DHX15: variants seen among roughly 807,000 people sequenced by gnomAD.
DHX15 encodes the protein DEAH-box helicase 15.
DHX15 carries 11 observed loss-of-function variants against 94.4 expected under a neutral mutation model. That is an observed-to-expected ratio of 0.12 (90% confidence interval 0.07 to 0.19). DHX15 has a LOEUF of 0.19. DHX15 is among the 10% of genes least tolerant of loss of function. The pLI, the probability that DHX15 is intolerant of heterozygous loss-of-function variation, is 1.00. For missense variants in DHX15, 304 were observed against 988.5 expected, an observed-to-expected ratio of 0.31 and a Z score of 9.29; for synonymous variants, 338 against 329.9, an observed-to-expected ratio of 1.02 and a Z score of -0.27.
chr4:24,536,907 A>G, intron 11 of DHX15, 144 bp downstream of exon 11: 3 of 926,636 alleles, frequency 3.2e-6, no homozygotes, highest in Non-Finnish European at 4.5e-6. Context: ...TCTATTTTAA[A>G]TGCTCGTCAG....
chr4:24,541,525 A>G (rs1721312405), intron 8 of DHX15, among the ~76,000 whole-genome samples: 1 of 152,142 alleles, frequency 6.6e-6, no homozygotes, highest in African/African-American at 2.4e-5. Flanking sequence ...GGAAAGAAAA[A>G]AAGTTGAAAC....
chr4:24,540,646 GA>G (rs5856853), intron 9 of DHX15, among the ~76,000 whole-genome samples, 193 bp downstream of exon 9: 64,719 of 146,992 alleles, frequency 0.44, 14,431 homozygotes, highest in Middle Eastern at 0.57. Context: ...AACTTTTGAA[GA>G]AAAAAAAAAA....
Position 24,576,355 on chromosome 4 carries a change from T to G in DHX15, c.395A>C (p.Lys132Thr), listed in dbSNP as rs1214312329. ...CCAAACAGGGAGCTGAAGACGTTTC[T>G]TTAGAATATCATAGTATCGAGGAGT... ...PHTPRYYDIL[K>T]KRLQLPVWEY... The change falls in exon 2 of 14, where the codon AAG becomes ACG. Residue 132 changes from lysine (K) to threonine (T), a missense_variant. Transcript: ENST00000336812. 1 of 1,614,122 alleles carries G rather than the reference T, an allele frequency of 6.2e-7. No individual in the cohort carries two copies. Among genetic ancestry groups the G allele is most frequent in the Non-Finnish European group, 8.5e-7 (1 of 1,180,048 alleles).
intron 1 of DHX15, among the ~76,000 whole-genome samples, chr4:24,579,526 G>T (rs1170667647): frequency 6.6e-6 from 1 of 152,178 alleles, no homozygotes; most frequent in African/African-American, 2.4e-5. Context: ...CACACCACGA[G>T]CAGGGAGGGA....
chr4:24,577,662 C>A (rs1430354168), intron 1 of DHX15, among the ~76,000 whole-genome samples: 1 of 152,106 alleles, frequency 6.6e-6, no homozygotes, highest in Non-Finnish European at 1.5e-5. Context: ...CTTCCAGTTA[C>A]TAGAGATTGA....
intron 5 of DHX15, among the ~76,000 whole-genome samples, chr4:24,554,297 C>T (rs1721674282): frequency 6.6e-6 from 1 of 152,166 alleles, no homozygotes; most frequent in Non-Finnish European, 1.5e-5. Flanking sequence ...AGTAATCCTT[C>T]CCAAATTTCA....
chr4:24,570,402 T>C (rs568465396), intron 3 of DHX15, among the ~76,000 whole-genome samples: 1 of 152,240 alleles, frequency 6.6e-6, no homozygotes, highest in South Asian at 2.1e-4. Flanking sequence ...CATTTTACAG[T>C]ATCAGTAACA....
intron 8 of DHX15, among the ~76,000 whole-genome samples, chr4:24,541,653 T>C (rs951165352): frequency 2.0e-5 from 3 of 152,050 alleles, no homozygotes; most frequent in Non-Finnish European, 4.4e-5. Context: ...CATATTCCAG[T>C]TTTTAGGCGT....
intron 3 of DHX15, among the ~76,000 whole-genome samples, chr4:24,563,616 T>C (rs1051777054): frequency 1.3e-5 from 2 of 152,238 alleles, no homozygotes; most frequent in South Asian, 2.1e-4. Flanking sequence ...ATTTTAATGA[T>C]TTAAAACATA....
intron 3 of DHX15, among the ~76,000 whole-genome samples, chr4:24,564,198 A>G (rs6843709): frequency 0.064 from 9,809 of 152,216 alleles, 392 homozygotes; most frequent in African/African-American, 0.11. Flanking sequence ...CTTAATAAAT[A>G]ATGGTGGTTA....
intron 11 of DHX15, chr4:24,533,338 G>A (rs1268464202): frequency 4.6e-6 from 2 of 430,748 alleles, no homozygotes; most frequent in East Asian, 4.6e-5. Flanking sequence ...ACATCCACCT[G>A]GTTGTTTCCA....
intron 5 of DHX15, among the ~76,000 whole-genome samples, chr4:24,553,093 C>T (rs772756279): frequency 2.0e-5 from 3 of 151,256 alleles, no homozygotes; most frequent in Middle Eastern, 3.4e-3. Context: ...GAGGCCGAGG[C>T]GGGTGGATCA....
chr4:24,529,072 G>A (rs1721025127), intron 13 of DHX15, among the ~76,000 whole-genome samples: 1 of 152,100 alleles, frequency 6.6e-6, no homozygotes. Flanking sequence ...CACCCAGGCT[G>A]GAGTACAGTG....
At chr4:24,554,005 T>A (rs1241457466) in intron 5 of DHX15, among the ~76,000 whole-genome samples, 1 of 151,882 alleles carries the variant, frequency 6.6e-6, no homozygotes, top group African/African-American at 2.4e-5. Flanking sequence ...GATCACGAGG[T>A]CAGGAGATTG....
chr4:24,533,238 A>C (rs1362940563), intron 11 of DHX15, 184 bp from the exon 12 acceptor site: 1 of 600,958 alleles, frequency 1.7e-6, no homozygotes, highest in Non-Finnish European at 2.9e-6. Flanking sequence ...AGTGTGATTC[A>C]ACATTAGAAA....
Position 24,564,858 on chromosome 4 carries a change from A to G in DHX15, c.701+5796T>C, listed in dbSNP as rs1350351532. 2.0e-5 allele frequency among the ~76,000 whole-genome samples: 3 copies of G among 152,202 alleles called. No homozygotes were observed. The East Asian group carries it at 5.8e-4, about 29-fold the overall frequency. ...TAGAATCTACAGTGTTTCAATGTTCAATACATCAAACAGGGCAAAAAGGAA... is the reference window on the plus strand; with the variant it reads ...TAGAATCTACAGTGTTTCAATGTTCGATACATCAAACAGGGCAAAAAGGAA... On this transcript the variant is annotated intron_variant, in intron 3 of 13. Transcript: ENST00000336812.
intron 6 of DHX15, among the ~76,000 whole-genome samples, chr4:24,545,302 G>A (rs376864676): frequency 1.3e-5 from 2 of 152,250 alleles, no homozygotes. Flanking sequence ...AATTTCTCAT[G>A]TGACCAACTC....
chr4:24,576,731 G>A lies in DHX15; in HGVS notation c.72-53C>T, dbSNP rs141832151. Reference sequence around the variant, plus strand: ...TCTGAATTTTATGCAGAATGTTCACGGTAGCGTTATAATCACAAAGAGAGT... The same window carrying A: ...TCTGAATTTTATGCAGAATGTTCACAGTAGCGTTATAATCACAAAGAGAGT... On this transcript the variant is annotated intron_variant, in intron 1 of 13. Coordinates refer to ENST00000336812, the MANE Select transcript of DHX15 (RefSeq NM_001358.3). 1,026 of 1,583,486 alleles carry A rather than the reference G, an allele frequency of 6.5e-4. 4 individuals are homozygous for A. The African/African-American group carries it at 0.012, about 19-fold the overall frequency.
At chr4:24,541,759 A>G in intron 8 of DHX15, 114 bp downstream of exon 8, 1 of 1,088,934 alleles carries the variant, frequency 9.2e-7, no homozygotes, top group Non-Finnish European at 1.3e-6. Flanking sequence ...TGGAAAAGCT[A>G]AGGAGCTTTT....
Sources: allele counts gnomAD v4.1 joint callset (sites outside exome capture counted in the v4.1 genomes callset), GRCh38; gene constraint gnomAD v4.1.1; transcripts MANE v1.5; gene names NCBI Gene and HGNC (gene_info 2026-07-23, HGNC 2026-07-21).